PRICKLE1: variants seen among roughly 807,000 people sequenced by gnomAD.
PRICKLE1 encodes prickle-like protein 1.
In PRICKLE1, 14 loss-of-function variants were observed where a neutral mutation model predicts 70.2. That is an observed-to-expected ratio of 0.20 (90% confidence interval 0.13 to 0.31). The LOEUF is 0.31. Among genes scored for constraint, PRICKLE1 ranks in the 10% least tolerant of loss-of-function variants. The probability of loss-of-function intolerance (pLI) is 1.00; values close to 1 mark genes in which losing one functional copy is unlikely to be tolerated. For missense variants in PRICKLE1, 821 were observed against 1,026.2 expected (o/e 0.80, Z 2.73); for synonymous variants, 357 against 379.9 (o/e 0.94, Z 0.70).
chr12:42,500,176 C>T lies in PRICKLE1; in HGVS notation c.-48-27612G>A, dbSNP rs548873753. On this transcript the variant is annotated intron_variant, in intron 1 of 7. Coordinates refer to ENST00000345127, the MANE Select transcript of PRICKLE1 (RefSeq NM_153026.3). ...TGGCCTTTCGGACCAAAGAGTTATACAGCACAAAGGCCAAAACATAGGGGA... is the reference window on the plus strand; with the variant it reads ...TGGCCTTTCGGACCAAAGAGTTATATAGCACAAAGGCCAAAACATAGGGGA... Among the ~76,000 whole-genome samples, 47 of 152,194 alleles carry T rather than the reference C, an allele frequency of 3.1e-4. 1 individual carries two copies. The highest frequency in any genetic ancestry group is 1.5e-3 in the South Asian group (7 of 4,826).
In PRICKLE1 at chr12:42,464,344, C is replaced by A. The variant is rs751820105; in HGVS notation, c.1639+51G>T. The stretch of plus-strand genomic sequence containing the variant: ...CTTGAATTGCAATTTTTTGAATACA[C>A]TTTTTAGTAGCTCCTTTTTTCAAAT... On this transcript the variant is annotated intron_variant, in intron 7 of 7. Coordinates refer to ENST00000345127, the MANE Select transcript of PRICKLE1 (RefSeq NM_153026.3). The surrounding 1 kb of genome is among the most constrained non-coding windows in gnomAD (Gnocchi z 4.2). 1.2e-6 allele frequency: 2 copies of A among 1,612,624 alleles called. No homozygotes were observed. Among genetic ancestry groups the A allele is most frequent in the Non-Finnish European group, 1.7e-6 (2 of 1,178,998 alleles).
At chr12:42,558,675 T>C (rs1223369745) in intron 1 of PRICKLE1, among the ~76,000 whole-genome samples, 3 of 152,212 alleles carry the variant, frequency 2.0e-5, no homozygotes, top group Admixed American at 1.3e-4. Flanking sequence ...CTTTTAAAAG[T>C]CTTCTAGAGA....
intron 1 of PRICKLE1, among the ~76,000 whole-genome samples, chr12:42,554,278 G>C (rs1351882324): frequency 6.6e-6 from 1 of 152,194 alleles, no homozygotes; most frequent in Non-Finnish European, 1.5e-5. Flanking sequence ...GTCTTGATAT[G>C]TTATGTGCTC....
At chr12:42,525,607 C>T (rs1380879687) in intron 1 of PRICKLE1, among the ~76,000 whole-genome samples, 3 of 152,114 alleles carry the variant, frequency 2.0e-5, no homozygotes, top group African/African-American at 4.8e-5. Context: ...AACTGATTGA[C>T]TGGTTGTTGG....
chr12:42,522,624 G>T lies in PRICKLE1; in HGVS notation c.-48-50060C>A, dbSNP rs374131415. Among the ~76,000 whole-genome samples, 3 of 152,066 alleles carry T rather than the reference G, an allele frequency of 2.0e-5. No homozygotes were observed. In the South Asian group the frequency reaches 6.2e-4, roughly 32 times the overall value. ...GATCTGTGTACATTGGCTGTGTGTG[G>T]GCCTTGGTCACATTAACGTACTTTT... On this transcript the variant is annotated intron_variant, in intron 1 of 7. Coordinates refer to ENST00000345127, the MANE Select transcript of PRICKLE1 (RefSeq NM_153026.3).
intron 1 of PRICKLE1, among the ~76,000 whole-genome samples, chr12:42,574,429 T>C (rs979879211): frequency 1.3e-5 from 2 of 152,214 alleles, no homozygotes; most frequent in African/African-American, 4.8e-5. Context: ...CTGTGGACTT[T>C]CCATCAACAA....
chr12:42,458,518 TTAA>T lies in PRICKLE1; in HGVS notation c.*1288_*1290del, dbSNP rs1937659616. ...GTTTTCCTTGAACCAGAACCTCATA[TTAA>T]CTTACAGTACTCAATGGCACAGCAT... On this transcript the variant is annotated 3_prime_UTR_variant, in exon 8 of 8. Transcript: ENST00000345127. 6.6e-6 allele frequency: 1 copy of T among 152,052 alleles called. No individual in the cohort carries two copies. The highest frequency in any genetic ancestry group is 2.4e-5 in the African/African-American group (1 of 41,288). 9.4% of individuals were successfully genotyped at this position (152,052 alleles called of 1,614,324 possible). A position where few individuals can be genotyped will look rare whatever the true frequency, so the allele number is the denominator to read the frequency against.
intron 1 of PRICKLE1, among the ~76,000 whole-genome samples, chr12:42,536,050 G>A (rs1233545585): frequency 6.6e-6 from 1 of 152,152 alleles, no homozygotes; most frequent in Non-Finnish European, 1.5e-5. Flanking sequence ...CCGAGTAAAA[G>A]AAAAGTCTTG....
intron 1 of PRICKLE1, among the ~76,000 whole-genome samples, chr12:42,520,981 G>A (rs542552755): frequency 1.3e-5 from 2 of 152,218 alleles, no homozygotes; most frequent in East Asian, 3.9e-4. Flanking sequence ...GATCAGCCTG[G>A]CCAACATGGT....
At chr12:42,524,168 T>C (rs1304304963) in intron 1 of PRICKLE1, among the ~76,000 whole-genome samples, 2 of 152,240 alleles carry the variant, frequency 1.3e-5, no homozygotes, top group Non-Finnish European at 2.9e-5. Context: ...TGTTGTTTTG[T>C]ATACAATATT....
intron 1 of PRICKLE1, among the ~76,000 whole-genome samples, chr12:42,485,111 C>T (rs1322778479): frequency 6.6e-6 from 1 of 151,636 alleles, no homozygotes; most frequent in African/African-American, 2.4e-5. Context: ...ACAGTATACA[C>T]GTGAACAATA....
At chr12:42,490,393 G>T (rs536415221) in intron 1 of PRICKLE1, among the ~76,000 whole-genome samples, 1 of 152,314 alleles carries the variant, frequency 6.6e-6, no homozygotes, top group South Asian at 2.1e-4. Context: ...CTGCCCAAAG[G>T]CAGCCAGGCC....
intron 1 of PRICKLE1, chr12:42,483,750 AT>A (rs1345272967): frequency 6.7e-6 from 1 of 149,900 alleles, no homozygotes; most frequent in Non-Finnish European, 1.5e-5. Flanking sequence ...CAGCGCGGCG[AT>A]CCTCACCCGC....
In PRICKLE1 at chr12:42,492,068, C is replaced by T. The variant is rs1015155462; in HGVS notation, c.-48-19504G>A. On this transcript the variant is annotated intron_variant, in intron 1 of 7. Coordinates refer to ENST00000345127, the MANE Select transcript of PRICKLE1 (RefSeq NM_153026.3). ...CAAAGTGCTGGGATTACAGGCGTGA[C>T]CCACCGCGCCTGGCCTGCTCCATCT... is the stretch of plus-strand genomic sequence containing the variant. 2.2e-4 allele frequency among the ~76,000 whole-genome samples: 33 copies of T among 151,006 alleles called. 1 individual carries two copies. The highest frequency in any genetic ancestry group is 1.7e-3 in the Admixed American group (25 of 15,132).
At chr12:42,513,127 A>G (rs1239297829) in intron 1 of PRICKLE1, among the ~76,000 whole-genome samples, 2 of 151,958 alleles carry the variant, frequency 1.3e-5, no homozygotes, top group African/African-American at 2.4e-5. Context: ...ATGCCTGGCT[A>G]ATTTTTGTAT....
chr12:42,482,955 G>C (rs966266486), intron 1 of PRICKLE1: 13 of 152,244 alleles, frequency 8.5e-5, no homozygotes, highest in African/African-American at 2.9e-4. Flanking sequence ...CCGCTGCTTA[G>C]GCCGCGAGGG....
intron 1 of PRICKLE1, among the ~76,000 whole-genome samples, chr12:42,568,068 A>C (rs1940651729): frequency 6.6e-6 from 1 of 152,352 alleles, no homozygotes; most frequent in Non-Finnish European, 1.5e-5. Context: ...AAAGAAAGTA[A>C]ATTAACATAT....
intron 7 of PRICKLE1, among the ~76,000 whole-genome samples, chr12:42,462,643 C>CG (rs983752022): frequency 1.2e-4 from 18 of 152,190 alleles, no homozygotes; most frequent in Admixed American, 3.9e-4. Flanking sequence ...CCACAGAAGC[C>CG]GGGGGGGTAG....
intron 1 of PRICKLE1, among the ~76,000 whole-genome samples, chr12:42,477,263 T>C (rs1463057923): frequency 6.6e-6 from 1 of 151,126 alleles, no homozygotes. Flanking sequence ...TCCCAGCTAC[T>C]CGAGAGGCTG....
Sources: gnomAD v4.1 joint callset for allele counts (sites outside exome capture counted in the v4.1 genomes callset) on GRCh38, gnomAD v4.1.1 for gene constraint, Gnocchi (gnomAD v3.1) non-coding constraint, MANE v1.5 for transcripts, NCBI Gene and HGNC (gene_info 2026-07-23, HGNC 2026-07-21) for gene names.